KLHL1: variants seen among roughly 807,000 people sequenced by gnomAD.
The protein encoded by KLHL1 is kelch-like protein 1.
Under a neutral mutation model 77.7 loss-of-function variants are expected in KLHL1, and 47 were observed. The observed-to-expected ratio is 0.60, with a 90% CI of 0.48 to 0.77. The LOEUF (loss-of-function observed/expected upper bound fraction) is 0.77, where lower values mean the gene tolerates loss of function less well. Among genes scored for constraint, KLHL1 ranks in the 30% least tolerant of loss-of-function variants. The pLI is 0.00. For synonymous variants in KLHL1, 360 were observed against 325.2 expected (o/e 1.11, Z -1.15); for missense variants, 925 against 910.8 (o/e 1.02, Z -0.20).
chr13:69,942,398 G>T (rs569792318), intron 3 of KLHL1, among the ~76,000 whole-genome samples: 1 of 151,930 alleles, frequency 6.6e-6, no homozygotes, highest in East Asian at 1.9e-4. Flanking sequence ...GTATATTATT[G>T]CCAGTTTGTG....
At chr13:70,054,717 T>C (rs1886702555) in intron 1 of KLHL1, among the ~76,000 whole-genome samples, 1 of 149,774 alleles carries the variant, frequency 6.7e-6, no homozygotes, top group South Asian at 2.1e-4. Context: ...AAAAAGTGAC[T>C]GCAATATTAA....
At chr13:69,970,608 C>T (rs1884355616) in intron 2 of KLHL1, among the ~76,000 whole-genome samples, 1 of 152,030 alleles carries the variant, frequency 6.6e-6, no homozygotes, top group Non-Finnish European at 1.5e-5. Flanking sequence ...CACACTTTAT[C>T]CTTCAACTGC....
intron 5 of KLHL1, among the ~76,000 whole-genome samples, chr13:69,855,451 G>A (rs1879872262): frequency 6.6e-6 from 1 of 152,058 alleles, no homozygotes; most frequent in Non-Finnish European, 1.5e-5. Flanking sequence ...ATATGATATG[G>A]TTTGGTTGTG....
intron 6 of KLHL1, among the ~76,000 whole-genome samples, chr13:69,797,447 G>GT (rs1158048775): frequency 1.3e-5 from 2 of 152,094 alleles, no homozygotes; most frequent in African/African-American, 4.8e-5. Context: ...ATAACTGAAG[G>GT]TTTTAAAAGT....
At chr13:70,081,689 C>T (rs1039907255) in intron 1 of KLHL1, among the ~76,000 whole-genome samples, 3 of 152,130 alleles carry the variant, frequency 2.0e-5, no homozygotes, top group Non-Finnish European at 4.4e-5. Flanking sequence ...CAGGAATTTC[C>T]ATTGTCAAGC....
intron 8 of KLHL1, among the ~76,000 whole-genome samples, chr13:69,724,046 C>T (rs1054538340): frequency 1.2e-4 from 18 of 151,860 alleles, no homozygotes; most frequent in African/African-American, 4.1e-4. Context: ...CCATATTGGC[C>T]AGGATGGTCC....
chr13:69,920,151 CTCTT>C (rs1882585364), intron 4 of KLHL1, among the ~76,000 whole-genome samples: 3 of 152,020 alleles, frequency 2.0e-5, no homozygotes, highest in Non-Finnish European at 4.4e-5. Context: ...TTGTTTTTGG[CTCTT>C]TCTATTCATT....
intron 1 of KLHL1, among the ~76,000 whole-genome samples, chr13:69,995,972 G>A (rs1885140953): frequency 6.6e-6 from 1 of 152,110 alleles, no homozygotes; most frequent in Non-Finnish European, 1.5e-5. Flanking sequence ...AAGCTATACT[G>A]CATTCATAAG....
intron 1 of KLHL1, among the ~76,000 whole-genome samples, chr13:70,076,036 T>A (rs1887260744): frequency 6.6e-6 from 1 of 151,790 alleles, no homozygotes; most frequent in Admixed American, 6.6e-5. Flanking sequence ...AAGCCTCAAA[T>A]AATGTTAAGA....
intron 1 of KLHL1, among the ~76,000 whole-genome samples, chr13:70,096,720 T>G (rs1887799205): frequency 6.6e-6 from 1 of 151,934 alleles, no homozygotes; most frequent in Non-Finnish European, 1.5e-5. Flanking sequence ...TTTTTCTTTT[T>G]GCTGCCAGAA....
At chr13:69,909,037 G>T (rs936008955) in intron 4 of KLHL1, among the ~76,000 whole-genome samples, 10 of 149,178 alleles carry the variant, frequency 6.7e-5, no homozygotes, top group Admixed American at 4.0e-4. Flanking sequence ...AACAACTTCT[G>T]ATTATTTACC....
chr13:70,069,541 T>G (rs1887091478), intron 1 of KLHL1, among the ~76,000 whole-genome samples: 1 of 152,024 alleles, frequency 6.6e-6, no homozygotes, highest in South Asian at 2.1e-4. Flanking sequence ...GAATTCAGAA[T>G]TATAAGACTA....
intron 5 of KLHL1, among the ~76,000 whole-genome samples, chr13:69,873,801 A>C (rs1006714807): frequency 1.3e-5 from 2 of 152,212 alleles, no homozygotes; most frequent in Non-Finnish European, 1.5e-5. Context: ...GCTAAGACCA[A>C]GAATAAACTT....
chr13:69,774,511 G>A (rs772895229), intron 7 of KLHL1, among the ~76,000 whole-genome samples: 2 of 151,870 alleles, frequency 1.3e-5, no homozygotes, highest in Non-Finnish European at 2.9e-5. Flanking sequence ...TGTGAAAAAT[G>A]GTATGAGTTC....
intron 7 of KLHL1, among the ~76,000 whole-genome samples, chr13:69,789,622 T>C (rs35817376): frequency 0.11 from 16,182 of 152,152 alleles, 969 homozygotes; most frequent in African/African-American, 0.16. Flanking sequence ...ATGACCATTT[T>C]TTTTCCTCTA....
At chr13:69,869,787 C>T (rs757879374) in intron 5 of KLHL1, among the ~76,000 whole-genome samples, 1 of 152,148 alleles carries the variant, frequency 6.6e-6, no homozygotes, top group African/African-American at 2.4e-5. Context: ...CATCACATGG[C>T]TCTCTTCCCT....
intron 6 of KLHL1, among the ~76,000 whole-genome samples, chr13:69,834,281 A>C (rs1394449058): frequency 6.6e-6 from 1 of 151,260 alleles, no homozygotes; most frequent in Non-Finnish European, 1.5e-5. Flanking sequence ...AAAAAATGAA[A>C]TTACAATTAG....
At chr13:69,763,602 A>G (rs920969328) in intron 7 of KLHL1, among the ~76,000 whole-genome samples, 2 of 152,210 alleles carry the variant, frequency 1.3e-5, no homozygotes, top group Non-Finnish European at 2.9e-5. Context: ...GAGACCTGAA[A>G]CCATAAATGA....
chr13:69,726,328 G>T (rs1453533660), intron 8 of KLHL1, among the ~76,000 whole-genome samples: 1 of 151,978 alleles, frequency 6.6e-6, no homozygotes, highest in Non-Finnish European at 1.5e-5. Flanking sequence ...ACTTAGCTTG[G>T]TTCTTTGTTT....
Sources: gnomAD v4.1 joint callset for allele counts (sites outside exome capture counted in the v4.1 genomes callset) on GRCh38, gnomAD v4.1.1 for gene constraint, MANE v1.5 for transcripts, NCBI Gene and HGNC (gene_info 2026-07-23, HGNC 2026-07-21) for gene names.